The following ANKRD24 variants were observed in gnomAD, a reference collection of about 807,000 sequenced individuals.
ANKRD24 encodes the protein ankyrin repeat domain-containing protein 24.
A neutral mutation model predicts 127.8 loss-of-function variants in ANKRD24; 109 were observed. The observed-to-expected ratio is 0.85, with a 90% CI of 0.73 to 1.00. The LOEUF (loss-of-function observed/expected upper bound fraction) is 1.00, where lower values mean the gene tolerates loss of function less well. ANKRD24 is among the 50% of genes least tolerant of loss of function. The pLI is 0.00. For synonymous variants in ANKRD24, 743 were observed against 671.1 expected, an observed-to-expected ratio of 1.11 and a Z score of -1.66; for missense variants, 1,648 against 1,570.2, an observed-to-expected ratio of 1.05 and a Z score of -0.84.
rs35456385 is a variant in ANKRD24 at position 4,189,556 on chromosome 19, GT to G, written c.36+3106del. 1.3e-4 allele frequency among the ~76,000 whole-genome samples: 19 copies of G among 146,836 alleles called. 1 individual carries two copies. The highest frequency in any genetic ancestry group is 2.7e-4 in the Admixed American group (4 of 14,612). ...CATGAGCCACCATGCCCGGCCCTAA[GT>G]TTTTTTTTTTAAGAGATGGGGTCTC... is the stretch of plus-strand genomic sequence containing the variant. On this transcript the variant is annotated intron_variant, in intron 2 of 21. Coordinates refer to ENST00000318934, the MANE Select transcript of ANKRD24 (RefSeq NM_001393985.1).
In ANKRD24 at chr19:4,195,941, G is replaced by A. The variant is rs546257349; in HGVS notation, c.37-3742G>A. 2.8e-3 allele frequency among the ~76,000 whole-genome samples: 426 copies of A among 152,314 alleles called. 4 individuals carry two copies. The highest frequency in any genetic ancestry group is 4.8e-3 in the Admixed American group (73 of 15,290). ...AAGAATAATCACGGACCACACCGAC[G>A]TGTAAATGCTCAATGCTCACCCAGC... On this transcript the variant is annotated intron_variant, in intron 2 of 21. Coordinates refer to ENST00000318934, the MANE Select transcript of ANKRD24 (RefSeq NM_001393985.1). This position sits in a 1 kb window ranked among gnomAD's most constrained non-coding sequence, Gnocchi z 4.2.
chr19:4,188,637 C>T (rs1045666998), intron 2 of ANKRD24, among the ~76,000 whole-genome samples: 1 of 152,136 alleles, frequency 6.6e-6, no homozygotes, highest in Admixed American at 6.6e-5. Context: ...CTAACTCCCA[C>T]CCAGAGTGAT....
intron 19 of ANKRD24, among the ~76,000 whole-genome samples, chr19:4,221,979 C>T (rs1269593700): frequency 6.6e-6 from 1 of 152,212 alleles, no homozygotes; most frequent in East Asian, 1.9e-4. Flanking sequence ...AGAATTGCCT[C>T]AAGTTGAGAA....
At chr19:4,214,849 C>T (rs994686602) in intron 15 of ANKRD24, among the ~76,000 whole-genome samples, 1 of 151,966 alleles carries the variant, frequency 6.6e-6, no homozygotes, top group African/African-American at 2.4e-5. Context: ...GCGAGACTCT[C>T]TCAAAACAAA....
At chr19:4,207,084 GCT>G in intron 7 of ANKRD24, 156 bp from the exon 8 acceptor site, 1 of 569,998 alleles carries the variant, frequency 1.8e-6, no homozygotes. Context: ...GATAATGTTT[GCT>G]TTTTTTTTTT....
intron 20 of ANKRD24, among the ~76,000 whole-genome samples, chr19:4,223,517 C>A (rs945985349): frequency 4.0e-5 from 6 of 150,130 alleles, no homozygotes; most frequent in Non-Finnish European, 4.4e-5. Flanking sequence ...AAGTGATTCT[C>A]CTGCCTCAGC....
chr19:4,195,160 C>T lies in ANKRD24; in HGVS notation c.37-4523C>T, dbSNP rs1269537929. Among the ~76,000 whole-genome samples the T allele has an allele frequency of 2.0e-5, 3 of 152,130 alleles. No individual in the cohort carries two copies. The highest frequency in any genetic ancestry group is 4.8e-5 in the African/African-American group (2 of 41,432). On this transcript the variant is annotated intron_variant, in intron 2 of 21. Transcript: ENST00000318934. This position sits in a 1 kb window ranked among gnomAD's most constrained non-coding sequence, Gnocchi z 4.2. ...CGACTTCTGCTCACTGCAAGCTCCGCCTCCCGGGTGCACGCCATTCTCCTG... is the reference window on the plus strand; with the variant it reads ...CGACTTCTGCTCACTGCAAGCTCCGTCTCCCGGGTGCACGCCATTCTCCTG...
In ANKRD24 at chr19:4,216,004, C is replaced by T. The variant is rs772227613; in HGVS notation, c.1224C>T (p.Asp408=). 29 of 1,600,576 alleles carry T rather than the reference C, an allele frequency of 1.8e-5. No homozygotes were observed. The highest frequency in any genetic ancestry group is 4.5e-5 in the East Asian group (2 of 44,116). The change falls in exon 16 of 22, where the codon GAC becomes GAT. Residue 408 remains aspartate, a synonymous_variant. Transcript: ENST00000318934. ...LENERENTSY[D]VTTLQDEEGE... Reference sequence around the variant, plus strand: ...ACGAGCGGGAGAATACTAGCTATGACGTAACCACCCTGCAGGATGAGGAGG... The same window carrying T: ...ACGAGCGGGAGAATACTAGCTATGATGTAACCACCCTGCAGGATGAGGAGG...
At position 4,216,795 on chromosome 19, in the gene ANKRD24, G is replaced by A. The variant is rs1477773100; in HGVS notation, c.1635G>A (p.Glu545=). ...TATKNGPTHM[E]LNGSVAPETK... is the part of the protein sequence containing the mutation. ...CCAAAAACGGGCCAACCCACATGGA[G>A]CTAAATGGCTCAGTGGCTCCAGAAA... is the stretch of plus-strand genomic sequence containing the variant. The change falls in exon 18 of 22, where the codon GAG becomes GAA. Residue 545 remains glutamate (E), a synonymous_variant. Transcript: ENST00000318934. The A allele has an allele frequency of 3.1e-6, 5 of 1,601,942 alleles. No homozygotes were observed. Among genetic ancestry groups the A allele is most frequent in the African/African-American group, 2.7e-5 (2 of 74,578 alleles).
intron 1 of ANKRD24, chr19:4,183,417 A>C (rs1157608845): frequency 1.1e-6 from 1 of 905,424 alleles, no homozygotes; most frequent in Non-Finnish European, 1.3e-6. Flanking sequence ...GGCACACTGG[A>C]GAGCAAAGGT....
chr19:4,220,563 GT>G lies in ANKRD24; in HGVS notation c.3171+812del, dbSNP rs533041817. ...CATTACCTTTTTTTATTGTTGTTTT[GT>G]TTTTTTCTGAGGCAGAGTCTTGCTC... On this transcript the variant is annotated intron_variant, in intron 19 of 21. Coordinates refer to ENST00000318934, the MANE Select transcript of ANKRD24 (RefSeq NM_001393985.1). Among the ~76,000 whole-genome samples, 1,002 of 151,982 alleles carry G rather than the reference GT, an allele frequency of 6.6e-3. 10 individuals are homozygous for G. The highest frequency in any genetic ancestry group is 0.023 in the African/African-American group (966 of 41,446).
chr19:4,196,340 G>T (rs890797114), intron 2 of ANKRD24, among the ~76,000 whole-genome samples: 1 of 128,532 alleles, frequency 7.8e-6, no homozygotes, highest in East Asian at 1.9e-4. Flanking sequence ...CCTCGGTTTT[G>T]TTGTTGTTGT....
chr19:4,215,602 G>GGA (rs574440921), intron 15 of ANKRD24, among the ~76,000 whole-genome samples: 7 of 135,474 alleles, frequency 5.2e-5, no homozygotes, highest in South Asian at 2.5e-4. Context: ...CCGCATCTCT[G>GGA]AAAAAAAAAA....
Position 4,195,928 on chromosome 19 carries a change from G to A in ANKRD24, c.37-3755G>A, listed in dbSNP as rs146082382. Among the ~76,000 whole-genome samples, 15 of 152,240 alleles carry A rather than the reference G, an allele frequency of 9.9e-5. No individual in the cohort carries two copies. Among genetic ancestry groups the A allele is most frequent in the Non-Finnish European group, 1.2e-4 (8 of 68,014 alleles). On this transcript the variant is annotated intron_variant, in intron 2 of 21. Coordinates refer to ENST00000318934, the MANE Select transcript of ANKRD24 (RefSeq NM_001393985.1). The surrounding 1 kb of genome is among the most constrained non-coding windows in gnomAD (Gnocchi z 4.2). ...AAAGTAAAAGTCTAAGAATAATCAC[G>A]GACCACACCGACGTGTAAATGCTCA...
chr19:4,196,045 C>T (rs1267940600), intron 2 of ANKRD24, among the ~76,000 whole-genome samples: 1 of 152,220 alleles, frequency 6.6e-6, no homozygotes, highest in Non-Finnish European at 1.5e-5. Flanking sequence ...ACTTGGAGTG[C>T]TCCTGGTGTG....
intron 16 of ANKRD24, 87 bp from the exon 17 acceptor site, chr19:4,216,197 G>T: frequency 7.0e-7 from 1 of 1,427,102 alleles, no homozygotes; most frequent in South Asian, 1.2e-5. Context: ...AGCCTGCCCT[G>T]GGAACCCTGA....
intron 10 of ANKRD24, among the ~76,000 whole-genome samples, chr19:4,208,291 G>T (rs1013453908): frequency 6.6e-6 from 1 of 151,964 alleles, no homozygotes; most frequent in Non-Finnish European, 1.5e-5. Flanking sequence ...ATCACTTGAG[G>T]TCAGGGGTTC....
rs867612453 is a variant in ANKRD24 at position 4,195,126 on chromosome 19, G to A, written c.37-4557G>A. 1.3e-5 allele frequency among the ~76,000 whole-genome samples: 2 copies of A among 151,992 alleles called. No homozygotes were observed. Among genetic ancestry groups the A allele is most frequent in the Non-Finnish European group, 2.9e-5 (2 of 68,012 alleles). On this transcript the variant is annotated intron_variant, in intron 2 of 21. Coordinates refer to ENST00000318934, the MANE Select transcript of ANKRD24 (RefSeq NM_001393985.1). This position sits in a 1 kb window ranked among gnomAD's most constrained non-coding sequence, Gnocchi z 4.2. ...CTCACTCTGTCACCCAGGTTGGAGT[G>A]CAGTGGCACGACTTCTGCTCACTGC...
Position 4,199,423 on chromosome 19 carries a change from G to A in ANKRD24, c.37-260G>A. On this transcript the variant is annotated intron_variant, in intron 2 of 21. Coordinates refer to ENST00000318934, the MANE Select transcript of ANKRD24 (RefSeq NM_001393985.1). The surrounding 1 kb of genome is among the most constrained non-coding windows in gnomAD (Gnocchi z 5.2). ...GACGGGGTCCTACTATGGTGCCCAG[G>A]TTTGTCTCAAACTCCTAGGCTCAAG... is the stretch of plus-strand genomic sequence containing the variant. 1.2e-6 allele frequency: 1 copy of A among 833,762 alleles called. No homozygotes were observed. Among genetic ancestry groups the A allele is most frequent in the South Asian group, 5.5e-5 (1 of 18,254 alleles). 51.6% of individuals were successfully genotyped at this position (833,762 alleles called of 1,614,324 possible).
Sources: gnomAD v4.1 joint callset for allele counts (sites outside exome capture counted in the v4.1 genomes callset) on GRCh38, gnomAD v4.1.1 for gene constraint, Gnocchi (gnomAD v3.1) non-coding constraint, MANE v1.5 for transcripts, NCBI Gene and HGNC (gene_info 2026-07-23, HGNC 2026-07-21) for gene names.